The following USP8 variants were observed in gnomAD, a reference collection of about 807,000 sequenced individuals.
USP8 encodes the protein ubiquitin specific peptidase 8.
Under a neutral mutation model 130.0 loss-of-function variants are expected in USP8, and 27 were observed. That is an observed-to-expected ratio of 0.21 (90% CI 0.15 to 0.29). The LOEUF (loss-of-function observed/expected upper bound fraction) is 0.29. Ranked by LOEUF, USP8 falls within the 10% of genes least tolerant of loss-of-function variation. The pLI is 1.00. For synonymous variants in USP8, 392 were observed against 444.1 expected, an observed-to-expected ratio of 0.88 and a Z score of 1.48; for missense variants, 1,029 against 1,312.2, an observed-to-expected ratio of 0.78 and a Z score of 3.33.
At chr15:50,424,826 GT>G (rs57263195) in intron 1 of USP8, among the ~76,000 whole-genome samples, 19,028 of 144,532 alleles carry the variant, frequency 0.13, 1,653 homozygotes, top group Non-Finnish European at 0.19. Flanking sequence ...CTTGCTTCCG[GT>G]TTTTTTTTTT....
At chr15:50,448,899 T>C (rs2050524547) in intron 3 of USP8, among the ~76,000 whole-genome samples, 1 of 152,220 alleles carries the variant, frequency 6.6e-6, no homozygotes, top group African/African-American at 2.4e-5. Flanking sequence ...AAACTTGTTT[T>C]ATGTATCAAA....
At chr15:50,427,620 T>C (rs556467362) in intron 1 of USP8, among the ~76,000 whole-genome samples, 2 of 146,024 alleles carry the variant, frequency 1.4e-5, no homozygotes, top group Non-Finnish European at 3.0e-5. Context: ...TGGAGTGCAG[T>C]GGTGAGTTCT....
intron 7 of USP8, chr15:50,466,594 C>CAAA (rs559413706): frequency 1.0e-4 from 8 of 76,618 alleles, no homozygotes; most frequent in Non-Finnish European, 1.6e-4. Flanking sequence ...GACTCTGTCT[C>CAAA]AAAAAAAAAA....
chr15:50,457,756 G>T (rs1186325973), intron 4 of USP8, among the ~76,000 whole-genome samples: 1 of 150,630 alleles, frequency 6.6e-6, no homozygotes, highest in Non-Finnish European at 1.5e-5. Context: ...AGCTACTCAG[G>T]AGGCTGAGTC....
chr15:50,492,261 T>G (rs967503965), intron 14 of USP8, among the ~76,000 whole-genome samples: 1 of 152,226 alleles, frequency 6.6e-6, no homozygotes, highest in Non-Finnish European at 1.5e-5. Flanking sequence ...TCCCTTGATA[T>G]CTACTCCACG....
In USP8 at chr15:50,511,864, G is replaced by A. The variant is rs2052742227; in HGVS notation, c.*12776G>A. 6.6e-6 allele frequency: 1 copy of A among 152,154 alleles called. No individual in the cohort carries two copies. 9.4% of individuals were successfully genotyped at this position (152,154 alleles called of 1,614,324 possible). On this transcript the variant is annotated 3_prime_UTR_variant, in exon 20 of 20. Transcript: ENST00000307179. ...TACACAAAAATTATTGGGGCATGGT[G>A]GTGCACACCTGTGGTCCCAGCTACT...
chr15:50,494,523 G>A (rs756347278), intron 16 of USP8, among the ~76,000 whole-genome samples: 10 of 152,122 alleles, frequency 6.6e-5, no homozygotes, highest in South Asian at 2.1e-4. Flanking sequence ...AGTTATTGGC[G>A]TTTGTGACCC....
intron 6 of USP8, among the ~76,000 whole-genome samples, chr15:50,464,619 C>T (rs921697996): frequency 2.6e-5 from 4 of 152,152 alleles, no homozygotes; most frequent in Non-Finnish European, 5.9e-5. Flanking sequence ...CACTTTGGGA[C>T]GCCAAGGTGG....
chr15:50,457,268 A>C (rs16963726), intron 4 of USP8, among the ~76,000 whole-genome samples: 3,246 of 152,244 alleles, frequency 0.021, 106 homozygotes, highest in African/African-American at 0.073. Flanking sequence ...TCAAAAGAGC[A>C]TATAAGACCA....
At chr15:50,465,939 GA>G (rs1401297159) in intron 7 of USP8, among the ~76,000 whole-genome samples, 2 of 152,190 alleles carry the variant, frequency 1.3e-5, no homozygotes, top group Non-Finnish European at 2.9e-5. Context: ...ATTTAAATGA[GA>G]AACATTATAT....
intron 1 of USP8, among the ~76,000 whole-genome samples, chr15:50,438,638 A>G (rs1005815440): frequency 6.6e-6 from 1 of 152,190 alleles, no homozygotes; most frequent in Non-Finnish European, 1.5e-5. Flanking sequence ...ATGGATATCA[A>G]TGAGAAAAGA....
chr15:50,469,806 T>G (rs1407829670), intron 7 of USP8, among the ~76,000 whole-genome samples: 1 of 152,084 alleles, frequency 6.6e-6, no homozygotes, highest in East Asian at 1.9e-4. Flanking sequence ...ATCTGTATTA[T>G]TCACTCATTC....
intron 5 of USP8, among the ~76,000 whole-genome samples, chr15:50,461,025 T>C (rs1474471814): frequency 6.6e-6 from 1 of 151,420 alleles, no homozygotes; most frequent in Non-Finnish European, 1.5e-5. Flanking sequence ...GCAGTTTCGC[T>C]TTTGTTGCCC....
At chr15:50,471,871 T>C (rs2051388561) in intron 8 of USP8, 76 bp downstream of exon 8, 1 of 1,495,768 alleles carries the variant, frequency 6.7e-7, no homozygotes, top group African/African-American at 1.4e-5. Flanking sequence ...TAACTAGTTG[T>C]TTATCTTAAA....
chr15:50,484,483 C>A, intron 12 of USP8, 122 bp downstream of exon 12: 1 of 731,718 alleles, frequency 1.4e-6, no homozygotes, highest in East Asian at 3.2e-5. Flanking sequence ...GGATCGTTGC[C>A]ATCTTTGGTA....
chr15:50,496,436 T>G (rs939191946), intron 17 of USP8, among the ~76,000 whole-genome samples: 25 of 143,172 alleles, frequency 1.7e-4, no homozygotes, highest in African/African-American at 6.4e-4. Context: ...AGCTGAGATC[T>G]CGCCACTGCA....
At position 50,465,040 on chromosome 15, in the gene USP8, T is replaced by C; in HGVS notation, c.542-7T>C. On this transcript the variant is annotated splice_polypyrimidine_tract_variant and splice_region_variant and intron_variant, in intron 6 of 19. Transcript: ENST00000307179. Reference sequence around the variant, plus strand: ...TTGTCACTTACACTGTCTCTCTCAATTCCAAGGAGCAATCACAGCAAAGGA... The same window carrying C: ...TTGTCACTTACACTGTCTCTCTCAACTCCAAGGAGCAATCACAGCAAAGGA... The C allele has an allele frequency of 6.2e-7, 1 of 1,613,340 alleles. No homozygotes were observed. Among genetic ancestry groups the C allele is most frequent in the Non-Finnish European group, 8.5e-7 (1 of 1,179,604 alleles).
intron 6 of USP8, among the ~76,000 whole-genome samples, chr15:50,464,086 AG>A (rs1207396220): frequency 6.6e-6 from 1 of 152,156 alleles, no homozygotes; most frequent in Non-Finnish European, 1.5e-5. Flanking sequence ...TAAACATTTT[AG>A]GCTTGGGGAA....
chr15:50,483,983 A>G (rs988933172), intron 11 of USP8, among the ~76,000 whole-genome samples: 2 of 152,300 alleles, frequency 1.3e-5, no homozygotes, highest in South Asian at 4.1e-4. Context: ...AAATTAGGTC[A>G]TGGTGAATAT....
Sources: gnomAD v4.1 joint callset for allele counts (sites outside exome capture counted in the v4.1 genomes callset) on GRCh38, gnomAD v4.1.1 for gene constraint, MANE v1.5 for transcripts, NCBI Gene and HGNC (gene_info 2026-07-23, HGNC 2026-07-21) for gene names.